Variants in RECQL4 observed in about 807,000 individuals in gnomAD.
RECQL4 encodes the protein RecQ like helicase 4.
In RECQL4, 158 loss-of-function variants were observed where a neutral mutation model predicts 128.6. That is an observed-to-expected ratio of 1.23 (90% confidence interval 1.08 to 1.40). RECQL4 has a LOEUF of 1.40. Among genes scored for constraint, RECQL4 ranks in the 40% most tolerant of loss-of-function variants. RECQL4 has a pLI of 0.00. For missense variants in RECQL4, 2,293 were observed against 1,649.8 expected (o/e 1.39, Z -6.75); for synonymous variants, 996 against 678.9 (o/e 1.47, Z -7.26).
intron 7 of RECQL4, 39 bp downstream of exon 7, chr8:144,515,287 C>A (rs1178603438): frequency 1.2e-6 from 2 of 1,610,636 alleles, no homozygotes; most frequent in African/African-American, 2.7e-5. Context: ...TCACCCCAAC[C>A]CCTCAGTGAA....
rs1442614863 is a variant in RECQL4 at position 144,513,380 on chromosome 8, C to T, written c.2301G>A (p.Val767=). Residue 767 remains valine, a synonymous_variant, in exon 14 of 21, where the codon GTG becomes GTA. Transcript: ENST00000617875. ...QRAFMQGQLR[V]VVATVAFGMG... ...TCCCAAAGGCCACCGTGGCCACCAC[C>T]ACCCGCAACTGGCCCTGCATGAAGG... is the stretch of plus-strand genomic sequence containing the variant. The T allele has an allele frequency of 1.2e-5, 20 of 1,607,438 alleles. No individual in the cohort carries two copies. The highest frequency in any genetic ancestry group is 1.6e-5 in the Non-Finnish European group (19 of 1,179,708).
At chr8:144,516,897 C>G (rs1044545644) in intron 4 of RECQL4, 133 bp from the exon 5 acceptor site, 56 of 1,385,460 alleles carry the variant, frequency 4.0e-5, no homozygotes, top group Non-Finnish European at 5.1e-5. Context: ...GAAAGGGAGT[C>G]AAGGGCGAAG....
In RECQL4 at chr8:144,514,467, T is replaced by C; in HGVS notation, c.1679A>G (p.Lys560Arg). Reference protein sequence around the residue: ...AACIHSGMTRKQRESVLQKIR... With the variant: ...AACIHSGMTRRQRESVLQKIR... ...CTTCTGCAGGACAGATTCCCGTTGC[T>C]TCCTGGTCATGCCCGAGTGTATGCA... is the stretch of plus-strand genomic sequence containing the variant. Residue 560 changes from lysine (K) to arginine (R), a missense_variant, in exon 10 of 21, where the codon AAG (lysine) becomes AGG (arginine). Coordinates refer to ENST00000617875, the MANE Select transcript of RECQL4 (RefSeq NM_004260.4). The C allele has an allele frequency of 6.2e-7, 1 of 1,612,346 alleles. No individual in the cohort carries two copies. The highest frequency in any genetic ancestry group is 8.5e-7 in the Non-Finnish European group (1 of 1,179,586).
In RECQL4 at chr8:144,514,495, C is replaced by A; in HGVS notation, c.1651G>T (p.Ala551Ser). The A allele has an allele frequency of 6.2e-7, 1 of 1,612,190 alleles. No individual in the cohort carries two copies. ...CTGGTCATGCCCGAGTGTATGCAGG[C>A]CGCCTTGAGACACGGTGGCAGGCCA... is the stretch of plus-strand genomic sequence containing the variant. The part of the protein sequence containing the change: ...VSGLPPCLKA[A>S]CIHSGMTRKQ... The change falls in exon 10 of 21, where the codon GCC becomes TCC. Residue 551 changes from alanine (A) to serine (S), a missense_variant. Coordinates refer to ENST00000617875, the MANE Select transcript of RECQL4 (RefSeq NM_004260.4).
Position 144,512,632 on chromosome 8 carries a change from G to A in RECQL4, c.2885+10C>T, listed in dbSNP as rs1827465978. The stretch of plus-strand genomic sequence containing the variant: ...CCAACCTCGTCTCCAACTGGGCAGG[G>A]CGTGCTTACCTGTGGGCCAGGGCCT... On this transcript the variant is annotated intron_variant, in intron 16 of 20. Transcript: ENST00000617875. 6.2e-7 allele frequency: 1 copy of A among 1,612,342 alleles called. No individual in the cohort carries two copies. Among genetic ancestry groups the A allele is most frequent in the African/African-American group, 1.3e-5 (1 of 75,058 alleles).
Position 144,514,210 on chromosome 8 carries a change from G to A in RECQL4, c.1857C>T (p.Pro619=), listed in dbSNP as rs772421497. Residue 619 remains proline, a synonymous_variant, in exon 11 of 21, where the codon CCC becomes CCT. Transcript: ENST00000617875. Reference sequence around the variant, plus strand: ...TCACCTTGCAGACGCGCAGGTAGCAGGGCCGGAAGTTGTGGGACCACTGGG... The same window carrying A: ...TCACCTTGCAGACGCGCAGGTAGCAAGGCCGGAAGTTGTGGGACCACTGGG... The part of the protein sequence containing the change: ...CLSQWSHNFR[P]CYLRVCKVLR... 45 of 1,612,166 alleles carry A rather than the reference G, an allele frequency of 2.8e-5. No individual in the cohort carries two copies. The highest frequency in any genetic ancestry group is 3.7e-5 in the Non-Finnish European group (44 of 1,179,732).
chr8:144,511,758 T>G lies in RECQL4; in HGVS notation c.3425A>C (p.Asp1142Ala). The change falls in exon 20 of 21, where the codon GAC (aspartate) becomes GCC (alanine). Residue 1142 changes from aspartate (D) to alanine (A), a missense_variant. By Grantham distance (126) the Asp-to-Ala change is moderately radical. Transcript: ENST00000617875. The part of the protein sequence containing the change: ...LQDWEDQVRC[D>A]IRQFLSLRPE... ...CCTCAGGGACAGGAACTGGCGGATG[T>G]CGCAGCGGACCTGGTCCTCCCAATC... 6.2e-7 allele frequency: 1 copy of G among 1,612,606 alleles called. No homozygotes were observed. Among genetic ancestry groups the G allele is most frequent in the Non-Finnish European group, 8.5e-7 (1 of 1,179,822 alleles).
chr8:144,517,209 G>C lies in RECQL4; in HGVS notation c.214-19C>G. On this transcript the variant is annotated intron_variant, in intron 3 of 20. Coordinates refer to ENST00000617875, the MANE Select transcript of RECQL4 (RefSeq NM_004260.4). ...CTGGCGCCTGCAGGAGACAACAGGG[G>C]CACAGGCCAGAAAAGGCTGTTGTGG... The C allele has an allele frequency of 6.3e-7, 1 of 1,583,864 alleles. No homozygotes were observed. Among genetic ancestry groups the C allele is most frequent in the Admixed American group, 1.8e-5 (1 of 56,040 alleles).
At position 144,512,198 on chromosome 8, in the gene RECQL4, G is replaced by A. The variant is rs1827365759; in HGVS notation, c.3182C>T (p.Ala1061Val). 9.9e-6 allele frequency: 16 copies of A among 1,612,230 alleles called. No homozygotes were observed. Among genetic ancestry groups the A allele is most frequent in the Non-Finnish European group, 1.4e-5 (16 of 1,179,738 alleles). The change falls in exon 18 of 21, where the codon GCC becomes GTC. Residue 1061 changes from alanine to valine, a missense_variant. Physicochemically the swap from Ala to Val is moderately conservative, Grantham distance 64. Coordinates refer to ENST00000617875, the MANE Select transcript of RECQL4 (RefSeq NM_004260.4). ...ACGGGCCAGGGCCTGGCGCTCCCGG[G>A]CCTGCACACGGCCATAGAGGAAGTC... The part of the protein sequence containing the change: ...ICDFLYGRVQ[A>V]RERQALARLR...
In RECQL4 at chr8:144,515,913, G is replaced by C. The variant is rs35481163; in HGVS notation, c.1132-23C>G. 1.3e-3 allele frequency: 2,041 copies of C among 1,612,638 alleles called. 26 individuals are homozygous for C. In the African/African-American group the frequency reaches 0.021, roughly 17 times the overall value. ...TGCCTGGGGGGTGCCCACATAGGAG[G>C]GTCACTGGGCGGGAAATACGGGAGG... is the stretch of plus-strand genomic sequence containing the variant. On this transcript the variant is annotated intron_variant, in intron 5 of 20. Coordinates refer to ENST00000617875, the MANE Select transcript of RECQL4 (RefSeq NM_004260.4).
rs548062656 is a variant in RECQL4 at position 144,513,756 on chromosome 8, G to A, written c.2059-44C>T. 230 of 1,498,320 alleles carry A rather than the reference G, an allele frequency of 1.5e-4. 6 individuals carry two copies. In the South Asian group the frequency reaches 2.4e-3, roughly 16 times the overall value. The allele number at this position is 1,498,320 out of a possible 1,614,324, so 92.8% of individuals were successfully genotyped here. A position where few individuals can be genotyped will look rare whatever the true frequency, so the allele number is the denominator to read the frequency against. On this transcript the variant is annotated intron_variant, in intron 12 of 20. Coordinates refer to ENST00000617875, the MANE Select transcript of RECQL4 (RefSeq NM_004260.4). ...CGTGGGCAGTGGGGAGTGAGGAGGGGTCGGCGTGTGCAGTGGGGAGTGAGG... is the reference window on the plus strand; with the variant it reads ...CGTGGGCAGTGGGGAGTGAGGAGGGATCGGCGTGTGCAGTGGGGAGTGAGG...
rs1564802576 is a variant in RECQL4, at chr8:144,515,252, C to T, written c.1391-10G>A. 1 of 1,602,384 alleles carries T rather than the reference C, an allele frequency of 6.2e-7. No individual in the cohort carries two copies. Among genetic ancestry groups the T allele is most frequent in the Non-Finnish European group, 8.5e-7 (1 of 1,175,128 alleles). ...ACCTCAGCCGGCGTCTCTGCAGACA[C>T]AGATGTTGATCACCATGACTTGAGT... On this transcript the variant is annotated splice_polypyrimidine_tract_variant and intron_variant, in intron 7 of 20. Transcript: ENST00000617875.
rs1238794881 is a variant in RECQL4, at chr8:144,516,104, G to T, written c.1015C>A (p.Leu339Met). 8 of 1,612,808 alleles carry T rather than the reference G, an allele frequency of 5.0e-6. 1 individual carries two copies. The South Asian group carries it at 8.8e-5, about 18-fold the overall frequency. The change falls in exon 5 of 21, where the codon CTG becomes ATG. Residue 339 changes from leucine (L) to methionine (M), a missense_variant. Leu to Met is a conservative substitution (Grantham distance 15). Transcript: ENST00000617875. ...CGGGCCAGCCGAGGGAAGATGTGCA[G>T]GGGGGCTGTGCCCTCAGCCTTCCCA... ...RAGKAEGTAP[L>M]HIFPRLARHD... is the part of the protein sequence containing the mutation.
In RECQL4 at chr8:144,516,022, C is replaced by A; in HGVS notation, c.1097G>T (p.Gly366Val). 6.2e-7 allele frequency: 1 copy of A among 1,611,178 alleles called. No individual in the cohort carries two copies. Among genetic ancestry groups the A allele is most frequent in the South Asian group, 1.1e-5 (1 of 91,048 alleles). ...GAGGAGCCTGCTACGGAGTGCCCGGCCCCGCACGTAGTGTTTCTGCTTCAT... is the reference window on the plus strand; with the variant it reads ...GAGGAGCCTGCTACGGAGTGCCCGGACCCGCACGTAGTGTTTCTGCTTCAT... ...LNMKQKHYVR[G>V]RALRSRLLRK... Residue 366 changes from glycine (G) to valine (V), a missense_variant, in exon 5 of 21, where the codon GGC becomes GTC. Gly to Val is a moderately radical substitution (Grantham distance 109). Coordinates refer to ENST00000617875, the MANE Select transcript of RECQL4 (RefSeq NM_004260.4).
At position 144,514,041 on chromosome 8, in the gene RECQL4, C is replaced by A; in HGVS notation, c.1945G>T (p.Ala649Ser). The change falls in exon 12 of 21, where the codon GCC (alanine) becomes TCC (serine). Residue 649 changes from alanine (A) to serine (S), a missense_variant. Transcript: ENST00000617875. ...GCCAGGTGCTGTGCCACGTCACTGG[C>A]AGTGCGGCGTGTGGCTGTGGCTGTG... ...GLTATATRRT[A>S]SDVAQHLAVA... 1 of 1,578,532 alleles carries A rather than the reference C, an allele frequency of 6.3e-7. No individual in the cohort carries two copies. Among genetic ancestry groups the A allele is most frequent in the African/African-American group, 1.3e-5 (1 of 74,146 alleles).
In RECQL4 at chr8:144,515,332, A is replaced by G. The variant is rs759459549; in HGVS notation, c.1384T>C (p.Leu462=). Residue 462 remains leucine (L), a synonymous_variant, in exon 7 of 21, where the codon TTG becomes CTG. Coordinates refer to ENST00000617875, the MANE Select transcript of RECQL4 (RefSeq NM_004260.4). The part of the protein sequence containing the change: ...PLYSLGPSGQ[L]AETPAEVFQA... ...CCAGAAGCTGACTGCTCACCTGCCA[A>G]CTGCCCTGAGGGCCCCAGGGAGTAG... The G allele has an allele frequency of 8.7e-6, 14 of 1,612,512 alleles. No individual in the cohort carries two copies. The highest frequency in any genetic ancestry group is 1.2e-5 in the Non-Finnish European group (14 of 1,179,704).
At position 144,516,635 on chromosome 8, in the gene RECQL4, G is replaced by C; in HGVS notation, c.484C>G (p.Leu162Val). The C allele has an allele frequency of 6.2e-7, 1 of 1,608,780 alleles. No individual in the cohort carries two copies. The highest frequency in any genetic ancestry group is 8.5e-7 in the Non-Finnish European group (1 of 1,177,814). Residue 162 changes from leucine to valine, a missense_variant, in exon 5 of 21, where the codon CTC (leucine) becomes GTC (valine). Physicochemically the swap from Leu to Val is conservative, Grantham distance 32. Transcript: ENST00000617875. The part of the protein sequence containing the change: ...AEKVSDEPPQ[L>V]PEPQPRPGRL... Reference sequence around the variant, plus strand: ...CCTGGCCTTGGCTGGGGCTCAGGGAGCTGTGGAGGCTCATCACTGACTTTT... The same window carrying C: ...CCTGGCCTTGGCTGGGGCTCAGGGACCTGTGGAGGCTCATCACTGACTTTT...
chr8:144,514,323 C>T lies in RECQL4; in HGVS notation c.1744G>A (p.Glu582Lys), dbSNP rs2130696532. 3 of 1,608,478 alleles carry T rather than the reference C, an allele frequency of 1.9e-6. No homozygotes were observed. Among genetic ancestry groups the T allele is most frequent in the Non-Finnish European group, 2.5e-6 (3 of 1,177,380 alleles). ...AGGCCTCCCGCCCCCACCAGTGCCT[C>T]AGGTGTCAGCATCAGCACGTGTACC... ...AQVHVLMLTPEALVGAGGLPP... is the reference protein window; with the variant it reads ...AQVHVLMLTPKALVGAGGLPP... The change falls in exon 11 of 21, where the codon GAG becomes AAG. Residue 582 changes from glutamate (E) to lysine (K), a missense_variant. By Grantham distance (56) the Glu-to-Lys change is moderately conservative. Transcript: ENST00000617875.
At position 144,512,343 on chromosome 8, in the gene RECQL4, G is replaced by A. The variant is rs766859426; in HGVS notation, c.3056-19C>T. The A allele has an allele frequency of 2.5e-6, 4 of 1,611,400 alleles. No homozygotes were observed. The highest frequency in any genetic ancestry group is 3.4e-6 in the Non-Finnish European group (4 of 1,179,146). The stretch of plus-strand genomic sequence containing the variant: ...CGCACACCTGCCGGAAAGCATGTCA[G>A]ATGCAGGCAGGCAGCGTCCAGGGCG... On this transcript the variant is annotated intron_variant, in intron 17 of 20. Transcript: ENST00000617875.
Sources: allele counts gnomAD v4.1 joint callset, GRCh38; gene constraint gnomAD v4.1.1; transcripts MANE v1.5; gene names NCBI Gene and HGNC (gene_info 2026-07-23, HGNC 2026-07-21).